Variants in PPP1R1C observed in about 807,000 individuals in gnomAD.
PPP1R1C encodes the protein protein phosphatase 1 regulatory inhibitor subunit 1C, also known as protein phosphatase 1 regulatory subunit 1C.
Under a neutral mutation model 17.4 loss-of-function variants are expected in PPP1R1C, and 15 were observed. That is an observed-to-expected ratio of 0.86 (90% CI 0.58 to 1.33). The LOEUF (loss-of-function observed/expected upper bound fraction) is 1.33. PPP1R1C is among the 40% of genes most tolerant of loss of function. The pLI, the probability that PPP1R1C is intolerant of heterozygous loss-of-function variation, is 0.00. For synonymous variants in PPP1R1C, 35 were observed against 43.1 expected (o/e 0.81, Z 0.73); for missense variants, 143 against 130.0 (o/e 1.10, Z -0.48).
At chr2:181,970,325 T>C (rs1018704603) in intron 1 of PPP1R1C, among the ~76,000 whole-genome samples, 2 of 152,168 alleles carry the variant, frequency 1.3e-5, no homozygotes, top group Non-Finnish European at 2.9e-5. Flanking sequence ...ATCTAAGATA[T>C]TGGTCATTGC....
intron 1 of PPP1R1C, among the ~76,000 whole-genome samples, chr2:181,968,806 T>C (rs570427713): frequency 6.6e-6 from 1 of 152,272 alleles, no homozygotes; most frequent in African/African-American, 2.4e-5. Context: ...AAGGTGATTT[T>C]CTCTGGTTTT....
At chr2:182,116,542 G>C (rs527874812) in intron 4 of PPP1R1C, among the ~76,000 whole-genome samples, 9 of 152,058 alleles carry the variant, frequency 5.9e-5, no homozygotes, top group African/African-American at 2.2e-4. Context: ...GGAGTAGCCC[G>C]GGGGAAAAGT....
At chr2:182,067,864 A>G (rs1688032057) in intron 4 of PPP1R1C, among the ~76,000 whole-genome samples, 1 of 152,134 alleles carries the variant, frequency 6.6e-6, no homozygotes, top group Non-Finnish European at 1.5e-5. Context: ...TTAGTTTCGG[A>G]CACTCAGAGC....
Position 182,063,809 on chromosome 2 carries a change from T to C in PPP1R1C, c.241+18T>C, listed in dbSNP as rs771917893. The C allele has an allele frequency of 8.1e-6, 13 of 1,608,870 alleles. No homozygotes were observed. In the East Asian group the frequency reaches 2.9e-4, roughly 36 times the overall value. On this transcript the variant is annotated intron_variant, in intron 4 of 4. Transcript: ENST00000682840. ...CATAAAAGGTACTGTTCAGGTACTGTTTCGGGTTGTCATGAGTGGTGAATC... is the reference window on the plus strand; with the variant it reads ...CATAAAAGGTACTGTTCAGGTACTGCTTCGGGTTGTCATGAGTGGTGAATC...
At chr2:182,012,455 T>C (rs926156016) in intron 2 of PPP1R1C, among the ~76,000 whole-genome samples, 5 of 152,072 alleles carry the variant, frequency 3.3e-5, no homozygotes, top group African/African-American at 1.2e-4. Flanking sequence ...TTTGTTGGCA[T>C]GGAATATCTT....
chr2:181,999,146 C>G lies in PPP1R1C; in HGVS notation c.142+11247C>G, dbSNP rs569025686. ...GCTGTACTTTTCATTTAGACAGTTA[C>G]AGAATAAGCAACATATTCAAAATAT... On this transcript the variant is annotated intron_variant, in intron 2 of 4. Coordinates refer to ENST00000682840, the MANE Select transcript of PPP1R1C (RefSeq NM_001080545.3). Among the ~76,000 whole-genome samples, 3 of 152,174 alleles carry G rather than the reference C, an allele frequency of 2.0e-5. No individual in the cohort carries two copies. In the East Asian group the frequency reaches 5.8e-4, roughly 29 times the overall value.
rs1689233984 is a variant in PPP1R1C at position 182,105,926 on chromosome 2, G to A, written c.242-11281G>A. ...AGCAGCAGAAATGTATTGTCTCACA[G>A]TTTTGGAGACCAGAACCCTGAGACA... On this transcript the variant is annotated intron_variant, in intron 4 of 4. Transcript: ENST00000682840. Among the ~76,000 whole-genome samples, 2 of 152,198 alleles carry A rather than the reference G, an allele frequency of 1.3e-5. 1 individual carries two copies. The highest frequency in any genetic ancestry group is 4.1e-4 in the South Asian group (2 of 4,826).
chr2:182,019,440 G>A (rs1411117774), intron 2 of PPP1R1C, among the ~76,000 whole-genome samples: 2 of 152,174 alleles, frequency 1.3e-5, no homozygotes, highest in African/African-American at 2.4e-5. Context: ...CAGAAGGCAC[G>A]TATTTTCTTA....
intron 2 of PPP1R1C, among the ~76,000 whole-genome samples, chr2:181,997,089 C>T (rs1358815104): frequency 6.6e-6 from 1 of 152,000 alleles, no homozygotes; most frequent in Non-Finnish European, 1.5e-5. Flanking sequence ...ATTAGCTGGG[C>T]GCGGTGGCGG....
chr2:182,051,424 G>A (rs1687513390), intron 2 of PPP1R1C, among the ~76,000 whole-genome samples: 1 of 152,164 alleles, frequency 6.6e-6, no homozygotes, highest in Non-Finnish European at 1.5e-5. Context: ...TATACAGGGA[G>A]AAGTGATAAT....
At chr2:182,116,997 G>A (rs1689603360) in intron 4 of PPP1R1C, among the ~76,000 whole-genome samples, 1 of 152,044 alleles carries the variant, frequency 6.6e-6, no homozygotes, top group Non-Finnish European at 1.5e-5. Flanking sequence ...ATGAAAGATA[G>A]CCTGCCTCTA....
At chr2:181,955,350 T>C (rs919232732) in intron 1 of PPP1R1C, among the ~76,000 whole-genome samples, 3 of 152,234 alleles carry the variant, frequency 2.0e-5, no homozygotes, top group Non-Finnish European at 2.9e-5. Flanking sequence ...AAGAGGACCA[T>C]TGAAAAATTA....
intron 1 of PPP1R1C, 133 bp from the exon 2 acceptor site, chr2:181,987,706 T>G: frequency 1.3e-6 from 1 of 782,766 alleles, no homozygotes; most frequent in Non-Finnish European, 2.2e-6. Flanking sequence ...AGTGAGCACC[T>G]TCCATGTGTC....
chr2:182,114,748 A>G (rs1689532244), intron 4 of PPP1R1C, among the ~76,000 whole-genome samples: 1 of 152,208 alleles, frequency 6.6e-6, no homozygotes, highest in African/African-American at 2.4e-5. Context: ...GGAAATAGTA[A>G]TGCCACAATT....
intron 2 of PPP1R1C, among the ~76,000 whole-genome samples, chr2:182,013,215 GTGT>G (rs1271287285): frequency 6.6e-6 from 1 of 152,014 alleles, no homozygotes; most frequent in Non-Finnish European, 1.5e-5. Flanking sequence ...GACAGATTTG[GTGT>G]TGTTGAGATC....
At chr2:182,088,093 A>G (rs767182605) in intron 4 of PPP1R1C, among the ~76,000 whole-genome samples, 7 of 151,774 alleles carry the variant, frequency 4.6e-5, no homozygotes, top group Non-Finnish European at 1.0e-4. Flanking sequence ...TTTAACTTTC[A>G]TGGAAGTTTC....
intron 2 of PPP1R1C, among the ~76,000 whole-genome samples, chr2:182,020,401 C>G (rs935066110): frequency 1.3e-5 from 2 of 152,180 alleles, no homozygotes; most frequent in African/African-American, 4.8e-5. Flanking sequence ...ACTTTCCTAT[C>G]CCTCTGTCTT....
At chr2:182,023,501 G>T (rs1259595619) in intron 2 of PPP1R1C, among the ~76,000 whole-genome samples, 1 of 151,810 alleles carries the variant, frequency 6.6e-6, no homozygotes, top group African/African-American at 2.4e-5. Context: ...TCCAACAAAA[G>T]AAAACAACAA....
intron 4 of PPP1R1C, among the ~76,000 whole-genome samples, chr2:182,105,409 G>T (rs188909938): frequency 1.2e-4 from 18 of 152,264 alleles, no homozygotes; most frequent in Admixed American, 2.6e-4. Context: ...TCTCCATTGG[G>T]GTTCAGGCAT....
Sources: allele counts gnomAD v4.1 joint callset (sites outside exome capture counted in the v4.1 genomes callset), GRCh38; gene constraint gnomAD v4.1.1; transcripts MANE v1.5; gene names NCBI Gene and HGNC (gene_info 2026-07-23, HGNC 2026-07-21).